The following MRPL13 variants were observed in gnomAD, a reference collection of about 807,000 sequenced individuals.
MRPL13 encodes the protein large ribosomal subunit protein uL13m.
Under a neutral mutation model 29.0 loss-of-function variants are expected in MRPL13, and 33 were observed. That is an observed-to-expected ratio of 1.14 (90% confidence interval 0.86 to 1.52). The LOEUF (loss-of-function observed/expected upper bound fraction) is 1.52, where lower values mean the gene tolerates loss of function less well. Ranked by LOEUF, MRPL13 falls within the 40% of genes most tolerant of loss-of-function variation. The pLI, the probability that MRPL13 is intolerant of heterozygous loss-of-function variation, is 0.00. For missense variants in MRPL13, 227 were observed against 216.7 expected (o/e 1.05, Z -0.30); for synonymous variants, 77 against 68.4 (o/e 1.13, Z -0.62).
chr8:120,405,004 C>A (rs997036982), intron 6 of MRPL13, among the ~76,000 whole-genome samples: 5 of 152,086 alleles, frequency 3.3e-5, no homozygotes, highest in African/African-American at 1.2e-4. Flanking sequence ...GTACAGTGAC[C>A]CCCTTGAAAA....
At chr8:120,397,403 G>A (rs1239351308) in intron 6 of MRPL13, among the ~76,000 whole-genome samples, 2 of 152,182 alleles carry the variant, frequency 1.3e-5, no homozygotes, top group Admixed American at 1.3e-4. Context: ...CATCTCACAA[G>A]TTAAGCCTCA....
intron 6 of MRPL13, among the ~76,000 whole-genome samples, chr8:120,412,269 T>C (rs549910476): frequency 6.6e-6 from 1 of 152,308 alleles, no homozygotes; most frequent in Non-Finnish European, 1.5e-5. Flanking sequence ...GTTTTTAGTA[T>C]ATAACTTATC....
chr8:120,434,650 CCTT>C (rs1300728731), intron 2 of MRPL13, among the ~76,000 whole-genome samples: 7 of 152,160 alleles, frequency 4.6e-5, no homozygotes, highest in Non-Finnish European at 7.4e-5. Context: ...TCTCAGAAGT[CCTT>C]CTCAGCAAAC....
intron 1 of MRPL13, among the ~76,000 whole-genome samples, chr8:120,444,034 C>T (rs1187919306): frequency 6.6e-6 from 1 of 151,936 alleles, no homozygotes; most frequent in East Asian, 1.9e-4. Context: ...AAAAATAGAA[C>T]GAGGCTAGCT....
At chr8:120,413,284 C>T (rs1383760228) in intron 6 of MRPL13, among the ~76,000 whole-genome samples, 1 of 152,154 alleles carries the variant, frequency 6.6e-6, no homozygotes, top group Non-Finnish European at 1.5e-5. Context: ...AAACATGTAG[C>T]TCCCTCATGA....
In MRPL13 at chr8:120,440,084, GT is replaced by G. The variant is rs368490390; in HGVS notation, c.151+3100del. Among the ~76,000 whole-genome samples, 111 of 152,294 alleles carry G rather than the reference GT, an allele frequency of 7.3e-4. 1 individual carries two copies. Among genetic ancestry groups the G allele is most frequent in the African/African-American group, 2.6e-3 (106 of 41,568 alleles). On this transcript the variant is annotated intron_variant, in intron 2 of 6. Coordinates refer to ENST00000306185, the MANE Select transcript of MRPL13 (RefSeq NM_014078.6). ...AAATTTTATGTGCTCTTGGAACTTA[GT>G]CTAGTGAAAGAAGGTAGATAATAAA...
chr8:120,417,408 C>T (rs184108333), intron 5 of MRPL13, among the ~76,000 whole-genome samples: 2 of 152,204 alleles, frequency 1.3e-5, no homozygotes, highest in Admixed American at 1.3e-4. Flanking sequence ...AACCTTTTAC[C>T]CAGTGGCCAC....
At chr8:120,430,854 TAATACTA>T (rs1342479199) in intron 3 of MRPL13, among the ~76,000 whole-genome samples, 1 of 152,220 alleles carries the variant, frequency 6.6e-6, no homozygotes, top group Non-Finnish European at 1.5e-5. Flanking sequence ...TCATTTGCAG[TAATACTA>T]CATATTATTG....
At chr8:120,414,191 T>TA (rs147159772) in intron 5 of MRPL13, 79 bp from the exon 6 acceptor site, 27,129 of 800,592 alleles carry the variant, frequency 0.034, 702 homozygotes, top group African/African-American at 0.13. Context: ...TCATAAGTGT[T>TA]AAAAAAATAA....
chr8:120,444,858 G>T, intron 1 of MRPL13: 1 of 562,592 alleles, frequency 1.8e-6, no homozygotes, highest in African/African-American at 1.9e-5. Context: ...ACATGAAAAG[G>T]GCAGATTGAA....
intron 1 of MRPL13, among the ~76,000 whole-genome samples, chr8:120,444,092 T>C (rs183003396): frequency 1.3e-5 from 2 of 152,124 alleles, no homozygotes; most frequent in East Asian, 3.9e-4. Context: ...AGTCTACATA[T>C]AAGAAAAAGG....
chr8:120,396,695 A>C (rs1021072161), intron 6 of MRPL13, among the ~76,000 whole-genome samples: 2 of 152,210 alleles, frequency 1.3e-5, no homozygotes, highest in African/African-American at 4.8e-5. Flanking sequence ...TCATTAGTCA[A>C]TTAAAAAAAT....
At chr8:120,410,962 G>C (rs975292256) in intron 6 of MRPL13, among the ~76,000 whole-genome samples, 5 of 151,926 alleles carry the variant, frequency 3.3e-5, no homozygotes, top group African/African-American at 7.3e-5. Flanking sequence ...ATTTTTATTA[G>C]AGATGGGGTT....
chr8:120,395,826 A>G lies in MRPL13; in HGVS notation c.*278T>C, dbSNP rs1234907844. The G allele has an allele frequency of 1.0e-5, 3 of 288,950 alleles. No homozygotes were observed. The highest frequency in any genetic ancestry group is 1.9e-5 in the Non-Finnish European group (3 of 157,308). The allele number at this position is 288,950 out of a possible 1,614,324, so 17.9% of individuals were successfully genotyped here. A position where few individuals can be genotyped will look rare whatever the true frequency, so the allele number is the denominator to read the frequency against. Reference sequence around the variant, plus strand: ...CTATACACAGGGTCTGTTTTTTATCATTAAATGCAACACTAAATAGTCAAC... The same window carrying G: ...CTATACACAGGGTCTGTTTTTTATCGTTAAATGCAACACTAAATAGTCAAC... On this transcript the variant is annotated 3_prime_UTR_variant, in exon 7 of 7. Transcript: ENST00000306185.
intron 5 of MRPL13, among the ~76,000 whole-genome samples, chr8:120,418,085 A>G (rs1812825822): frequency 6.6e-6 from 1 of 152,178 alleles, no homozygotes. Flanking sequence ...AGTAGCGCAC[A>G]TAAATATATG....
intron 1 of MRPL13, among the ~76,000 whole-genome samples, chr8:120,443,610 G>A (rs1368998203): frequency 6.6e-6 from 1 of 150,576 alleles, no homozygotes; most frequent in Non-Finnish European, 1.5e-5. Context: ...TTCCCTTTAC[G>A]GTATGACTTT....
chr8:120,437,546 A>G (rs538106190), intron 2 of MRPL13, among the ~76,000 whole-genome samples: 2 of 152,164 alleles, frequency 1.3e-5, no homozygotes, highest in African/African-American at 2.4e-5. Flanking sequence ...TACTCCACTA[A>G]TCACCATATA....
chr8:120,413,343 A>T (rs1268591134), intron 6 of MRPL13, among the ~76,000 whole-genome samples: 1 of 152,220 alleles, frequency 6.6e-6, no homozygotes, highest in African/African-American at 2.4e-5. Context: ...ACAAATATAT[A>T]ATTAGAGTAA....
chr8:120,430,423 T>G (rs1368736963), intron 3 of MRPL13, among the ~76,000 whole-genome samples: 3 of 152,160 alleles, frequency 2.0e-5, no homozygotes, highest in Non-Finnish European at 4.4e-5. Context: ...GTCCTAAAAA[T>G]TTTACAACTA....
Sources: gnomAD v4.1 joint callset for allele counts (sites outside exome capture counted in the v4.1 genomes callset) on GRCh38, gnomAD v4.1.1 for gene constraint, MANE v1.5 for transcripts, NCBI Gene and HGNC (gene_info 2026-07-23, HGNC 2026-07-21) for gene names.